The following ADAMTS17 variants were observed in gnomAD, a reference collection of about 807,000 sequenced individuals.
ADAMTS17 encodes the protein A disintegrin and metalloproteinase with thrombospondin motifs 17.
Under a neutral mutation model 141.5 loss-of-function variants are expected in ADAMTS17, and 113 were observed. That is an observed-to-expected ratio of 0.80 (90% CI 0.69 to 0.93). ADAMTS17 has a LOEUF of 0.93. Ranked by LOEUF, ADAMTS17 falls within the 40% of genes least tolerant of loss-of-function variation. The probability of loss-of-function intolerance (pLI) is 0.00; values close to 1 mark genes in which losing one functional copy is unlikely to be tolerated. For missense variants in ADAMTS17, 1,659 were observed against 1,517.9 expected, an observed-to-expected ratio of 1.09 and a Z score of -1.54; for synonymous variants, 768 against 630.6, an observed-to-expected ratio of 1.22 and a Z score of -3.27.
intron 9 of ADAMTS17, among the ~76,000 whole-genome samples, chr15:100,153,070 A>C (rs1175916429): frequency 2.0e-5 from 3 of 152,226 alleles, no homozygotes; most frequent in Non-Finnish European, 4.4e-5. Context: ...TTCTTTGATG[A>C]AAATGATTTT....
In ADAMTS17 at chr15:100,262,359, T is replaced by C. The variant is rs375735067; in HGVS notation, c.866A>G (p.Gln289Arg). 10 of 1,613,814 alleles carry C rather than the reference T, an allele frequency of 6.2e-6. No homozygotes were observed. Among genetic ancestry groups the C allele is most frequent in the Non-Finnish European group, 8.5e-6 (10 of 1,179,944 alleles). The change falls in exon 5 of 22, where the codon CAA becomes CGA. Residue 289 changes from glutamine (Q) to arginine (R), a missense_variant. By Grantham distance (43) the Gln-to-Arg change is conservative. Transcript: ENST00000268070. ...GTGCCTGTGGGGACTTACGGGACGT[T>C]GTCGTAGCAGGACAAGCTTGGTCAC... ...IQVTKLVLLR[Q>R]RPAKLSIGHH...
Position 100,115,952 on chromosome 15 carries a change from G to T in ADAMTS17, c.1888+895C>A, listed in dbSNP as rs563360011. 5.9e-5 allele frequency among the ~76,000 whole-genome samples: 9 copies of T among 152,182 alleles called. No homozygotes were observed. The East Asian group carries it at 1.7e-3, about 29-fold the overall frequency. On this transcript the variant is annotated intron_variant, in intron 13 of 21. Coordinates refer to ENST00000268070, the MANE Select transcript of ADAMTS17 (RefSeq NM_139057.4). ...CGCCCTGGCCTCTTGTCAGCTGCAG[G>T]TGCTTAGAGGTGTCCTGTAACCTTA...
chr15:100,226,590 T>C (rs1023715023), intron 7 of ADAMTS17, among the ~76,000 whole-genome samples: 1 of 152,230 alleles, frequency 6.6e-6, no homozygotes. Context: ...AGAAATCCTG[T>C]AACTCTCTCA....
In ADAMTS17 at chr15:100,116,890, C is replaced by T. The variant is rs746396471; in HGVS notation, c.1845G>A (p.Leu615=). The change falls in exon 13 of 22, where the codon CTG becomes CTA. Residue 615 remains leucine (L), a synonymous_variant. Transcript: ENST00000268070. ...TCAGCAGGCCTTTCTTCTTGGGGCT[C>T]AGCCGGTCGTGTGCCTGGCACTGCT... ...RDQQCQAHDR[L]SPKKKGLLTA... 1.8e-5 allele frequency: 29 copies of T among 1,614,072 alleles called. 2 individuals carry two copies. The South Asian group carries it at 3.0e-4, about 16-fold the overall frequency.
chr15:100,024,260 T>C (rs1339966816), intron 18 of ADAMTS17, among the ~76,000 whole-genome samples: 1 of 152,210 alleles, frequency 6.6e-6, no homozygotes, highest in Non-Finnish European at 1.5e-5. Flanking sequence ...AACTGGCTAA[T>C]TTAAAAAATT....
intron 2 of ADAMTS17, among the ~76,000 whole-genome samples, chr15:100,333,177 C>T (rs1031367584): frequency 2.3e-4 from 35 of 152,350 alleles, no homozygotes; most frequent in African/African-American, 8.4e-4. Flanking sequence ...TACATTCCAG[C>T]CCACTACCCC....
intron 10 of ADAMTS17, among the ~76,000 whole-genome samples, chr15:100,150,275 T>A (rs1243241397): frequency 6.6e-6 from 1 of 152,134 alleles, no homozygotes; most frequent in African/African-American, 2.4e-5. Flanking sequence ...CATGAAAATA[T>A]GATTCTGAAG....
intron 6 of ADAMTS17, among the ~76,000 whole-genome samples, chr15:100,256,012 G>T (rs904014143): frequency 1.3e-5 from 2 of 152,208 alleles, no homozygotes; most frequent in Admixed American, 6.5e-5. Flanking sequence ...TCTGAATCTC[G>T]ATCCTTCCTG....
At chr15:100,277,152 G>A (rs74039148) in intron 4 of ADAMTS17, among the ~76,000 whole-genome samples, 1,725 of 152,184 alleles carry the variant, frequency 0.011, 31 homozygotes, top group African/African-American at 0.04. Flanking sequence ...CTCACAGTGG[G>A]ATCACCCTTA....
intron 7 of ADAMTS17, among the ~76,000 whole-genome samples, chr15:100,233,465 ATACCAT>A (rs67473917): frequency 0.047 from 7,140 of 152,234 alleles, 530 homozygotes; most frequent in African/African-American, 0.16. Context: ...ATCTCTCCAA[ATACCAT>A]TACAGGGCAG....
At chr15:100,095,684 G>A (rs1031696268) in intron 15 of ADAMTS17, among the ~76,000 whole-genome samples, 20 of 152,244 alleles carry the variant, frequency 1.3e-4, no homozygotes, top group Non-Finnish European at 2.2e-4. Flanking sequence ...AACTACAGAC[G>A]CTTTCTTAAA....
intron 7 of ADAMTS17, among the ~76,000 whole-genome samples, chr15:100,230,878 T>C (rs1024095890): frequency 2.6e-5 from 4 of 152,004 alleles, no homozygotes; most frequent in African/African-American, 9.7e-5. Context: ...GGGGACCCAA[T>C]TAGGAAGCCA....
At chr15:100,118,215 T>G (rs1463018648) in intron 12 of ADAMTS17, among the ~76,000 whole-genome samples, 1 of 152,238 alleles carries the variant, frequency 6.6e-6, no homozygotes, top group African/African-American at 2.4e-5. Context: ...CAAAAGCAGC[T>G]AGAGATAACA....
intron 10 of ADAMTS17, among the ~76,000 whole-genome samples, chr15:100,140,510 C>CATATATATATATATATATATATATATAG: frequency 1.3e-5 from 1 of 75,274 alleles, no homozygotes. Flanking sequence ...TATATATATC[C>CATATATATATATATATATATATATATAG]AGTAAAGACG....
At chr15:100,339,390 T>C (rs1454321295) in intron 2 of ADAMTS17, among the ~76,000 whole-genome samples, 1 of 152,190 alleles carries the variant, frequency 6.6e-6, no homozygotes, top group East Asian at 1.9e-4. Context: ...GCAAATGGGA[T>C]TCAGATGTTT....
intron 18 of ADAMTS17, among the ~76,000 whole-genome samples, chr15:100,001,994 CAAAAAAAA>C (rs71151931): frequency 3.4e-5 from 2 of 58,384 alleles, no homozygotes; most frequent in African/African-American, 1.2e-4. Flanking sequence ...AGGCCAAACC[CAAAAAAAA>C]AAAAAAAAAA....
intron 12 of ADAMTS17, among the ~76,000 whole-genome samples, chr15:100,118,351 C>T (rs894997928): frequency 6.6e-6 from 1 of 152,216 alleles, no homozygotes; most frequent in Non-Finnish European, 1.5e-5. Flanking sequence ...GAGAAAATAT[C>T]CTGAGGAGAA....
chr15:100,269,548 T>A (rs2043833570), intron 4 of ADAMTS17, among the ~76,000 whole-genome samples: 1 of 152,202 alleles, frequency 6.6e-6, no homozygotes, highest in Admixed American at 6.5e-5. Flanking sequence ...GCAAGGACCT[T>A]CTTCCCACCA....
intron 15 of ADAMTS17, among the ~76,000 whole-genome samples, chr15:100,073,473 T>C (rs2034132952): frequency 6.6e-6 from 1 of 152,052 alleles, no homozygotes; most frequent in Admixed American, 6.5e-5. Context: ...CGTATGTTTA[T>C]TGCGGCACTA....
Sources: gnomAD v4.1 joint callset for allele counts (sites outside exome capture counted in the v4.1 genomes callset) on GRCh38, gnomAD v4.1.1 for gene constraint, MANE v1.5 for transcripts, NCBI Gene and HGNC (gene_info 2026-07-23, HGNC 2026-07-21) for gene names.